The following MEI4 variants were observed in gnomAD, a reference collection of about 807,000 sequenced individuals.
The protein encoded by MEI4 is meiotic double-stranded break formation protein 4.
MEI4 carries 27 observed loss-of-function variants against 31.4 expected under a neutral mutation model. The ratio of observed to expected loss-of-function variants is 0.86; its 90% CI spans 0.63 to 1.19. The LOEUF is 1.19. MEI4 is among the 50% of genes most tolerant of loss of function. The pLI is 0.00. For missense variants in MEI4, 329 were observed against 398.9 expected, an observed-to-expected ratio of 0.82 and a Z score of 1.49; for synonymous variants, 122 against 145.4, an observed-to-expected ratio of 0.84 and a Z score of 1.16.
intron 4 of MEI4, among the ~76,000 whole-genome samples, chr6:77,841,331 A>ACATT: frequency 2.8e-5 from 1 of 35,480 alleles, no homozygotes; most frequent in East Asian, 2.5e-3. Context: ...ATATATATAT[A>ACATT]TATTTTTTTT....
At chr6:77,819,115 C>T (rs1769755889) in intron 3 of MEI4, among the ~76,000 whole-genome samples, 1 of 152,062 alleles carries the variant, frequency 6.6e-6, no homozygotes, top group African/African-American at 2.4e-5. Flanking sequence ...ATATTATGTT[C>T]TAATTGAATA....
At chr6:77,671,059 T>G (rs1481904773) in intron 1 of MEI4, among the ~76,000 whole-genome samples, 2 of 146,974 alleles carry the variant, frequency 1.4e-5, no homozygotes, top group Non-Finnish European at 3.0e-5. Flanking sequence ...TTGTTGTTTT[T>G]TTTTTTTTTT....
chr6:77,902,016 A>AT (rs1766197225), intron 4 of MEI4, among the ~76,000 whole-genome samples: 1 of 152,038 alleles, frequency 6.6e-6, no homozygotes, highest in Non-Finnish European at 1.5e-5. Context: ...ATTGACCATA[A>AT]ATTTGTGGAT....
intron 3 of MEI4, among the ~76,000 whole-genome samples, chr6:77,794,719 T>C (rs1364503306): frequency 6.7e-6 from 1 of 149,424 alleles, no homozygotes; most frequent in Non-Finnish European, 1.5e-5. Context: ...AAAAAAAAAA[T>C]AGGACTTGAA....
intron 3 of MEI4, among the ~76,000 whole-genome samples, chr6:77,788,646 A>G (rs1236010458): frequency 2.0e-5 from 3 of 152,170 alleles, no homozygotes; most frequent in Non-Finnish European, 4.4e-5. Flanking sequence ...GTGAACTCCC[A>G]TTCACAATTG....
intron 2 of MEI4, among the ~76,000 whole-genome samples, chr6:77,706,058 C>T (rs555973495): frequency 6.6e-6 from 1 of 152,140 alleles, no homozygotes. Flanking sequence ...CTGACCTTCT[C>T]CCCTTCTTTC....
At chr6:77,777,702 A>G (rs1218224134) in intron 3 of MEI4, among the ~76,000 whole-genome samples, 3 of 152,196 alleles carry the variant, frequency 2.0e-5, no homozygotes, top group Non-Finnish European at 4.4e-5. Flanking sequence ...CAGGATTAGC[A>G]GATATCTAAG....
chr6:77,764,756 G>A (rs536391799), intron 3 of MEI4, among the ~76,000 whole-genome samples: 1 of 152,122 alleles, frequency 6.6e-6, no homozygotes, highest in Non-Finnish European at 1.5e-5. Context: ...CTTTCTAGAT[G>A]TTTCTTTCTG....
At chr6:77,666,151 G>A (rs1040267444) in intron 1 of MEI4, among the ~76,000 whole-genome samples, 2 of 152,114 alleles carry the variant, frequency 1.3e-5, no homozygotes, top group African/African-American at 2.4e-5. Flanking sequence ...CGGGATAGGC[G>A]GTGAAGTTAA....
In MEI4 at chr6:77,924,305, A is replaced by G. The variant is rs1191923428; in HGVS notation, c.*959A>G. 1.3e-5 allele frequency: 2 copies of G among 151,910 alleles called. No homozygotes were observed. The highest frequency in any genetic ancestry group is 2.9e-5 in the Non-Finnish European group (2 of 67,886). 9.4% of individuals were successfully genotyped at this position (151,910 alleles called of 1,614,324 possible). On this transcript the variant is annotated 3_prime_UTR_variant, in exon 5 of 5. Transcript: ENST00000684080. ...ATTAGCATTCCTAAATGTCGTTGGC[A>G]TTAAAAGTAATCTTGATAATTCCAT...
intron 3 of MEI4, among the ~76,000 whole-genome samples, chr6:77,792,889 T>C (rs1395303013): frequency 6.6e-6 from 1 of 151,944 alleles, no homozygotes; most frequent in Non-Finnish European, 1.5e-5. Flanking sequence ...ATGTTTTGTA[T>C]TTTTAGTAGA....
At chr6:77,909,860 A>G (rs1237517942) in intron 4 of MEI4, among the ~76,000 whole-genome samples, 1 of 152,176 alleles carries the variant, frequency 6.6e-6, no homozygotes, top group East Asian at 1.9e-4. Context: ...CTTATCCACC[A>G]TGATCAAGTG....
At chr6:77,917,761 C>G (rs1382692858) in intron 4 of MEI4, among the ~76,000 whole-genome samples, 1 of 150,832 alleles carries the variant, frequency 6.6e-6, no homozygotes, top group East Asian at 2.0e-4. Context: ...TGCAGAAGCT[C>G]TTTAGTTTAA....
At chr6:77,686,991 A>G (rs555096107) in intron 1 of MEI4, among the ~76,000 whole-genome samples, 2 of 152,018 alleles carry the variant, frequency 1.3e-5, no homozygotes, top group Admixed American at 1.3e-4. Flanking sequence ...GTTGATAGCA[A>G]ATTAAAGTTC....
intron 3 of MEI4, among the ~76,000 whole-genome samples, chr6:77,786,971 CCTAT>C (rs1407268872): frequency 1.3e-5 from 2 of 152,108 alleles, no homozygotes; most frequent in African/African-American, 2.4e-5. Flanking sequence ...GGGAGACATG[CCTAT>C]CTGTGTTGCC....
intron 3 of MEI4, among the ~76,000 whole-genome samples, chr6:77,768,462 G>A (rs1168654249): frequency 6.6e-6 from 1 of 152,148 alleles, no homozygotes; most frequent in Non-Finnish European, 1.5e-5. Flanking sequence ...CACTTTGGGA[G>A]GCTGAGGTGG....
intron 2 of MEI4, among the ~76,000 whole-genome samples, chr6:77,742,183 G>C (rs1488364344): frequency 2.0e-5 from 3 of 151,904 alleles, no homozygotes; most frequent in East Asian, 3.9e-4. Context: ...CTAGATCCCT[G>C]AGGAATCGCC....
At position 77,820,599 on chromosome 6, in the gene MEI4, T is replaced by C. The variant is rs1011909663; in HGVS notation, c.769-8332T>C. Among the ~76,000 whole-genome samples, 2 of 152,158 alleles carry C rather than the reference T, an allele frequency of 1.3e-5. No individual in the cohort carries two copies. Among genetic ancestry groups the C allele is most frequent in the African/African-American group, 4.8e-5 (2 of 41,452 alleles). ...TTTTTAAATCCCTTTAGTATGGTTCTATCAGTGTTAAAATGACTCATATTC... is the reference window on the plus strand; with the variant it reads ...TTTTTAAATCCCTTTAGTATGGTTCCATCAGTGTTAAAATGACTCATATTC... On this transcript the variant is annotated intron_variant, in intron 3 of 4. Transcript: ENST00000684080. This position sits in a 1 kb window ranked among gnomAD's most constrained non-coding sequence, Gnocchi z 4.5.
intron 2 of MEI4, among the ~76,000 whole-genome samples, chr6:77,698,747 T>C (rs1464377661): frequency 6.6e-6 from 1 of 152,182 alleles, no homozygotes; most frequent in African/African-American, 2.4e-5. Flanking sequence ...TTATGTGTCT[T>C]GGAGTTGCTC....
Sources: allele counts gnomAD v4.1 joint callset (sites outside exome capture counted in the v4.1 genomes callset), GRCh38; gene constraint gnomAD v4.1.1; non-coding constraint Gnocchi (gnomAD v3.1); transcripts MANE v1.5; gene names NCBI Gene and HGNC (gene_info 2026-07-23, HGNC 2026-07-21).